Variants in OSBPL3 observed in about 807,000 individuals in gnomAD.
OSBPL3 encodes oxysterol binding protein like 3, also known as oxysterol-binding protein-related protein 3.
A neutral mutation model predicts 120.1 loss-of-function variants in OSBPL3; 65 were observed. The ratio of observed to expected loss-of-function variants is 0.54; its 90% CI spans 0.44 to 0.67. The LOEUF (loss-of-function observed/expected upper bound fraction) is 0.67, where lower values mean the gene tolerates loss of function less well. OSBPL3 is among the 30% of genes least tolerant of loss of function. OSBPL3 has a pLI of 0.00. For missense variants in OSBPL3, 1,004 were observed against 1,082.1 expected (o/e 0.93, Z 1.01); for synonymous variants, 416 against 402.6 (o/e 1.03, Z -0.40).
intron 1 of OSBPL3, among the ~76,000 whole-genome samples, chr7:24,949,584 C>T (rs5023539): frequency 8.5e-5 from 13 of 152,296 alleles, no homozygotes; most frequent in Admixed American, 6.5e-4. Flanking sequence ...ATTGCCATGG[C>T]GGGGAGTTCA....
chr7:24,918,948 T>A lies in OSBPL3; in HGVS notation c.-149-26327A>T, dbSNP rs925632940. Among the ~76,000 whole-genome samples, 1 of 152,198 alleles carries A rather than the reference T, an allele frequency of 6.6e-6. No homozygotes were observed. The highest frequency in any genetic ancestry group is 2.4e-5 in the African/African-American group (1 of 41,456). ...AGGTACAATGCTAGATGCTCTTACA[T>A]ACGTCACATTATTTAATTCCCCGAA... On this transcript the variant is annotated intron_variant, in intron 1 of 22. Transcript: ENST00000313367. The surrounding 1 kb of genome is among the most constrained non-coding windows in gnomAD (Gnocchi z 4.3).
rs61701370 is a variant in OSBPL3 at position 24,930,447 on chromosome 7, G to GA, written c.-149-37827dup. Among the ~76,000 whole-genome samples the GA allele has an allele frequency of 0.14, 21,673 of 150,442 alleles. 1,906 individuals are homozygous for GA. The highest frequency in any genetic ancestry group is 0.23 in the East Asian group (1,203 of 5,144). On this transcript the variant is annotated intron_variant, in intron 1 of 22. Transcript: ENST00000313367. The surrounding 1 kb of genome is among the most constrained non-coding windows in gnomAD (Gnocchi z 4.4). ...CTAAAGATATCTCAAAATATGCCAAGAAAAAAAAAGTAAACTTTTTATTGC... is the reference window on the plus strand; with the variant it reads ...CTAAAGATATCTCAAAATATGCCAAGAAAAAAAAAAGTAAACTTTTTATTGC...
At position 24,818,742 on chromosome 7, in the gene OSBPL3, C is replaced by T. The variant is rs925516193; in HGVS notation, c.1948+1433G>A. Among the ~76,000 whole-genome samples the T allele has an allele frequency of 5.3e-5, 8 of 152,170 alleles. No individual in the cohort carries two copies. The highest frequency in any genetic ancestry group is 4.2e-4 in the South Asian group (2 of 4,816). On this transcript the variant is annotated intron_variant, in intron 17 of 22. Transcript: ENST00000313367. This position sits in a 1 kb window ranked among gnomAD's most constrained non-coding sequence, Gnocchi z 4.0. ...CAGCTACATCTACAATCACAACAAA[C>T]GGAAATGGTTTACACAACCTACATA...
rs989493441 is a variant in OSBPL3 at position 24,896,482 on chromosome 7, G to C, written c.-149-3861C>G. Among the ~76,000 whole-genome samples the C allele has an allele frequency of 6.6e-6, 1 of 152,188 alleles. No individual in the cohort carries two copies. Among genetic ancestry groups the C allele is most frequent in the East Asian group, 1.9e-4 (1 of 5,196 alleles). ...GCTTCCACTAGGAAAAGAGAACCCT[G>C]ATTTCTACCCAGAATGGGGAAGAAT... On this transcript the variant is annotated intron_variant, in intron 1 of 22. Coordinates refer to ENST00000313367, the MANE Select transcript of OSBPL3 (RefSeq NM_015550.4). The surrounding 1 kb of genome is among the most constrained non-coding windows in gnomAD (Gnocchi z 4.4).
chr7:24,840,876 A>G (rs1797657294), intron 13 of OSBPL3, 93 bp from the exon 14 acceptor site: 5 of 636,908 alleles, frequency 7.9e-6, no homozygotes, highest in Non-Finnish European at 1.4e-5. Context: ...AAACATGTTG[A>G]GTCTCACAGT....
chr7:24,907,329 G>A (rs752996164), intron 1 of OSBPL3, among the ~76,000 whole-genome samples: 1 of 152,182 alleles, frequency 6.6e-6, no homozygotes, highest in Non-Finnish European at 1.5e-5. Flanking sequence ...CTACATAGTT[G>A]CATTTCACTG....
chr7:24,954,936 T>C (rs1361858743), intron 1 of OSBPL3, among the ~76,000 whole-genome samples: 1 of 152,162 alleles, frequency 6.6e-6, no homozygotes, highest in East Asian at 1.9e-4. Context: ...GATCTAAGGA[T>C]GGAGTAGAGG....
rs1201542095 is a variant in OSBPL3, at chr7:24,821,285, C to T, written c.1885-1047G>A. On this transcript the variant is annotated intron_variant, in intron 16 of 22. Transcript: ENST00000313367. The surrounding 1 kb of genome is among the most constrained non-coding windows in gnomAD (Gnocchi z 5.5). Reference sequence around the variant, plus strand: ...ACACCAATAGTCAGGGAAGAGGTAGCGGTAAGTCCCAGCAGTTTTGGTTTA... The same window carrying T: ...ACACCAATAGTCAGGGAAGAGGTAGTGGTAAGTCCCAGCAGTTTTGGTTTA... 6.6e-6 allele frequency among the ~76,000 whole-genome samples: 1 copy of T among 152,136 alleles called. No homozygotes were observed. The highest frequency in any genetic ancestry group is 2.1e-4 in the South Asian group (1 of 4,830).
chr7:24,942,390 T>C (rs1281957353), intron 1 of OSBPL3, among the ~76,000 whole-genome samples: 1 of 152,202 alleles, frequency 6.6e-6, no homozygotes, highest in African/African-American at 2.4e-5. Flanking sequence ...TGAAGCCATG[T>C]CTGTCTGGTG....
intron 10 of OSBPL3, among the ~76,000 whole-genome samples, chr7:24,858,804 T>A (rs1800148264): frequency 6.6e-6 from 1 of 152,184 alleles, no homozygotes; most frequent in South Asian, 2.1e-4. Flanking sequence ...ATCCACTCAG[T>A]ATGGCAACCT....
In OSBPL3 at chr7:24,940,655, C is replaced by A. The variant is rs975355898; in HGVS notation, c.-150+39231G>T. Reference sequence around the variant, plus strand: ...GAGGTGGTATGGGAGGTACCTAAAACCAAGGAGATGAGGAACGGTGAATGA... The same window carrying A: ...GAGGTGGTATGGGAGGTACCTAAAAACAAGGAGATGAGGAACGGTGAATGA... On this transcript the variant is annotated intron_variant, in intron 1 of 22. Coordinates refer to ENST00000313367, the MANE Select transcript of OSBPL3 (RefSeq NM_015550.4). The surrounding 1 kb of genome is among the most constrained non-coding windows in gnomAD (Gnocchi z 4.4). Among the ~76,000 whole-genome samples the A allele has an allele frequency of 2.0e-5, 3 of 151,940 alleles. No homozygotes were observed. The highest frequency in any genetic ancestry group is 7.3e-5 in the African/African-American group (3 of 41,356).
intron 1 of OSBPL3, among the ~76,000 whole-genome samples, chr7:24,978,023 A>T (rs1489588124): frequency 6.6e-6 from 1 of 152,250 alleles, no homozygotes; most frequent in Non-Finnish European, 1.5e-5. Context: ...CTATTAACTA[A>T]TGGTGGAAAC....
At chr7:24,807,190 G>A (rs932507902) in intron 20 of OSBPL3, among the ~76,000 whole-genome samples, 1 of 152,146 alleles carries the variant, frequency 6.6e-6, no homozygotes, top group African/African-American at 2.4e-5. Context: ...AAAATAATTT[G>A]ATTTTAAAAT....
intron 1 of OSBPL3, among the ~76,000 whole-genome samples, chr7:24,897,378 T>G (rs1490057358): frequency 2.9e-5 from 4 of 138,518 alleles, no homozygotes; most frequent in African/African-American, 5.6e-5. Flanking sequence ...CAGGCTGGAG[T>G]GCAGTGGCGC....
chr7:24,883,475 C>T lies in OSBPL3; in HGVS notation c.96+8902G>A, dbSNP rs544519376. On this transcript the variant is annotated intron_variant, in intron 2 of 22. Transcript: ENST00000313367. This position sits in a 1 kb window ranked among gnomAD's most constrained non-coding sequence, Gnocchi z 5.4. ...CTTGAGAACATTCCATTACCTTGTA[C>T]AGCTGCTATGCTGTGCTCTCAACCA... Among the ~76,000 whole-genome samples the T allele has an allele frequency of 1.1e-3, 164 of 152,292 alleles. 3 individuals are homozygous for T. In the South Asian group the frequency reaches 0.028, roughly 26 times the overall value.
intron 5 of OSBPL3, among the ~76,000 whole-genome samples, chr7:24,869,593 G>A (rs1038557580): frequency 1.3e-5 from 2 of 152,158 alleles, no homozygotes; most frequent in African/African-American, 4.8e-5. Flanking sequence ...AGGGCAGGGG[G>A]CAGGGACACT....
In OSBPL3 at chr7:24,851,896, TACTATG is replaced by T. The variant is rs1470240972; in HGVS notation, c.1158+602_1158+607del. On this transcript the variant is annotated intron_variant, in intron 11 of 22. Transcript: ENST00000313367. This position sits in a 1 kb window ranked among gnomAD's most constrained non-coding sequence, Gnocchi z 4.1. ...GGGACCCTGTCAGTGATTTTCCTGT[TACTATG>T]AAGGTATAGTGATTGCCTGACAGGC... 1.3e-5 allele frequency among the ~76,000 whole-genome samples: 2 copies of T among 152,244 alleles called. No homozygotes were observed. Among genetic ancestry groups the T allele is most frequent in the Non-Finnish European group, 2.9e-5 (2 of 68,042 alleles).
At chr7:24,920,515 T>C (rs1389909740) in intron 1 of OSBPL3, among the ~76,000 whole-genome samples, 1 of 151,964 alleles carries the variant, frequency 6.6e-6, no homozygotes, top group East Asian at 1.9e-4. Context: ...TAATATGGAG[T>C]TTCTTTTTGA....
chr7:24,809,746 T>C (rs1265806251), intron 20 of OSBPL3, 61 bp downstream of exon 20: 70 of 1,540,740 alleles, frequency 4.5e-5, no homozygotes, highest in Non-Finnish European at 5.9e-5. Context: ...CTGTGGCTTC[T>C]TGTGTCATGC....
Sources: allele counts gnomAD v4.1 joint callset (sites outside exome capture counted in the v4.1 genomes callset), GRCh38; gene constraint gnomAD v4.1.1; non-coding constraint Gnocchi (gnomAD v3.1); transcripts MANE v1.5; gene names NCBI Gene and HGNC (gene_info 2026-07-23, HGNC 2026-07-21).